The following RNLS variants were observed in gnomAD, a reference collection of about 807,000 sequenced individuals.
RNLS encodes renalase, FAD dependent amine oxidase.
Under a neutral mutation model 39.8 loss-of-function variants are expected in RNLS, and 39 were observed. The ratio of observed to expected loss-of-function variants is 0.98; its 90% CI spans 0.76 to 1.28. RNLS has a LOEUF of 1.28. Among genes scored for constraint, RNLS ranks in the 50% most tolerant of loss-of-function variants. RNLS has a pLI of 0.00. For missense variants in RNLS, 410 were observed against 413.3 expected (o/e 0.99, Z 0.07); for synonymous variants, 147 against 150.7 (o/e 0.98, Z 0.18).
At chr10:88,265,857 A>T in the RNLS span, among the ~76,000 whole-genome samples, 1 of 152,210 alleles carries the variant, frequency 6.6e-6, no homozygotes. Flanking sequence ...TTTGAGTAAT[A>T]GGAGGGTCTG....
intron 4 of RNLS, among the ~76,000 whole-genome samples, chr10:88,444,720 A>C (rs889293796): frequency 3.9e-5 from 6 of 152,250 alleles, no homozygotes; most frequent in Non-Finnish European, 8.8e-5. Flanking sequence ...AAAGGGTGTC[A>C]GTGATTGAAG....
At chr10:88,240,406 C>CTTTTT in the RNLS span, among the ~76,000 whole-genome samples, 7,151 of 108,610 alleles carry the variant, frequency 0.066, 233 homozygotes, top group East Asian at 0.14. Context: ...GCAAAAAGTC[C>CTTTTT]TTTTTTTAAA....
At chr10:88,529,023 C>T (rs1418895463) in intron 4 of RNLS, among the ~76,000 whole-genome samples, 1 of 152,060 alleles carries the variant, frequency 6.6e-6, no homozygotes, top group Non-Finnish European at 1.5e-5. Flanking sequence ...TCCTAATATC[C>T]CATGCATCTG....
At chr10:88,298,147 T>C (rs1360548533) in intron 6 of RNLS, among the ~76,000 whole-genome samples, 1 of 152,166 alleles carries the variant, frequency 6.6e-6, no homozygotes, top group Admixed American at 6.5e-5. Context: ...TTCAACTCCT[T>C]TGCTCATTTT....
the RNLS span, among the ~76,000 whole-genome samples, chr10:88,224,722 T>C: frequency 6.6e-6 from 1 of 152,224 alleles, no homozygotes; most frequent in Non-Finnish European, 1.5e-5. Context: ...TTGGGGTTAA[T>C]AGGGATCTCT....
At chr10:88,368,089 A>G (rs931117033) in intron 4 of RNLS, among the ~76,000 whole-genome samples, 3 of 151,488 alleles carry the variant, frequency 2.0e-5, no homozygotes, top group African/African-American at 7.3e-5. Context: ...GATCATAAAG[A>G]TATTTTCTTA....
chr10:88,328,076 T>C (rs570062480), intron 5 of RNLS, among the ~76,000 whole-genome samples: 12 of 152,056 alleles, frequency 7.9e-5, no homozygotes, highest in African/African-American at 2.7e-4. Context: ...CCCAGCTAAT[T>C]TTTGTATTTT....
the RNLS span, among the ~76,000 whole-genome samples, chr10:88,215,818 G>A: frequency 1.3e-5 from 2 of 150,194 alleles, no homozygotes; most frequent in Non-Finnish European, 3.0e-5. Context: ...TCCTGCCTCA[G>A]CCTCCCGAGT....
the RNLS span, among the ~76,000 whole-genome samples, chr10:88,196,088 A>G: frequency 2.6e-5 from 4 of 152,186 alleles, no homozygotes; most frequent in African/African-American, 9.7e-5. Context: ...TGCATTTTTC[A>G]CAGAAATTTT....
chr10:88,569,901 A>G (rs939633790), intron 4 of RNLS, among the ~76,000 whole-genome samples: 14 of 152,172 alleles, frequency 9.2e-5, no homozygotes, highest in African/African-American at 3.4e-4. Flanking sequence ...CAAAAAAAGA[A>G]TAAACAAACA....
rs72818077 is a variant in RNLS, at chr10:88,284,549, A to G, written c.*805T>C. On this transcript the variant is annotated 3_prime_UTR_variant, in exon 7 of 7. Coordinates refer to ENST00000331772, the MANE Select transcript of RNLS (RefSeq NM_001031709.3). ...ATTTTTTGTTGTGTTAAATTCATTAAACTCGACACAGTCTAAATGCCACAG... is the reference window on the plus strand; with the variant it reads ...ATTTTTTGTTGTGTTAAATTCATTAGACTCGACACAGTCTAAATGCCACAG... 4,208 of 985,328 alleles carry G rather than the reference A, an allele frequency of 4.3e-3. 11 individuals are homozygous for G. Among genetic ancestry groups the G allele is most frequent in the Non-Finnish European group, 4.8e-3 (3,969 of 829,880 alleles). The allele number at this position is 985,328 out of a possible 1,614,324, so 61.0% of individuals were successfully genotyped here.
At chr10:88,361,196 C>A (rs539188412) in intron 5 of RNLS, among the ~76,000 whole-genome samples, 5 of 152,300 alleles carry the variant, frequency 3.3e-5, no homozygotes, top group Admixed American at 2.6e-4. Context: ...TAGGGCGCTA[C>A]CTTTAGGACC....
chr10:88,417,322 T>A (rs1456536977), intron 4 of RNLS, among the ~76,000 whole-genome samples: 6 of 152,194 alleles, frequency 3.9e-5, no homozygotes, highest in African/African-American at 1.4e-4. Flanking sequence ...ATTTGGTGTT[T>A]CCTTTTATAT....
chr10:88,283,431 A>T (rs1254967800), downstream of RNLS, among the ~76,000 whole-genome samples: 1 of 152,108 alleles, frequency 6.6e-6, no homozygotes, highest in Non-Finnish European at 1.5e-5. Context: ...CCTCCTTTGG[A>T]GGACATAAAT....
At chr10:88,416,735 T>A (rs1289032706) in intron 4 of RNLS, among the ~76,000 whole-genome samples, 1 of 152,220 alleles carries the variant, frequency 6.6e-6, no homozygotes, top group Non-Finnish European at 1.5e-5. Context: ...ATTTGTCCTA[T>A]GTGTCCTAGC....
the RNLS span, among the ~76,000 whole-genome samples, chr10:88,245,253 T>C: frequency 1.3e-5 from 2 of 152,238 alleles, no homozygotes; most frequent in African/African-American, 4.8e-5. Context: ...TTCTCCCTAA[T>C]GATCACAAAT....
chr10:88,413,926 T>C (rs1199337147), intron 4 of RNLS, among the ~76,000 whole-genome samples: 1 of 152,184 alleles, frequency 6.6e-6, no homozygotes, highest in Non-Finnish European at 1.5e-5. Flanking sequence ...TCTAATTTTA[T>C]CTTTTGTACC....
chr10:88,568,517 C>T (rs1283191669), intron 4 of RNLS, among the ~76,000 whole-genome samples: 2 of 151,496 alleles, frequency 1.3e-5, no homozygotes, highest in Non-Finnish European at 2.9e-5. Flanking sequence ...TTGTGTGTGT[C>T]GTTGTTGTTT....
At chr10:88,285,767 G>A (rs1300583936) in intron 6 of RNLS, among the ~76,000 whole-genome samples, 1 of 152,010 alleles carries the variant, frequency 6.6e-6, no homozygotes, top group African/African-American at 2.4e-5. Flanking sequence ...AATCAGAAGT[G>A]GGCTGAACTT....
Sources: allele counts gnomAD v4.1 joint callset (sites outside exome capture counted in the v4.1 genomes callset), GRCh38; gene constraint gnomAD v4.1.1; transcripts MANE v1.5; gene names NCBI Gene and HGNC (gene_info 2026-07-23, HGNC 2026-07-21).